The following SHOC2 variants were observed in gnomAD, a reference collection of about 807,000 sequenced individuals.
SHOC2 encodes leucine-rich repeat protein SHOC-2.
A neutral mutation model predicts 50.2 loss-of-function variants in SHOC2; 4 were observed. That is an observed-to-expected ratio of 0.08 (90% CI 0.04 to 0.18). The LOEUF (loss-of-function observed/expected upper bound fraction) is 0.18. Ranked by LOEUF, SHOC2 falls within the 10% of genes least tolerant of loss-of-function variation. The pLI is 1.00. For missense variants in SHOC2, 388 were observed against 669.6 expected, an observed-to-expected ratio of 0.58 and a Z score of 4.64; for synonymous variants, 218 against 244.5, an observed-to-expected ratio of 0.89 and a Z score of 1.01.
At chr10:110,988,419 A>T (rs1184786678) in intron 3 of SHOC2, among the ~76,000 whole-genome samples, 1 of 152,122 alleles carries the variant, frequency 6.6e-6, no homozygotes, top group Non-Finnish European at 1.5e-5. Flanking sequence ...TTCTTCAGCA[A>T]ACTTGGTCAT....
chr10:110,999,338 G>T (rs1281591480), intron 3 of SHOC2, among the ~76,000 whole-genome samples: 2 of 152,108 alleles, frequency 1.3e-5, no homozygotes, highest in African/African-American at 4.8e-5. Flanking sequence ...AACGTATATT[G>T]TTTGCAGAAT....
intron 2 of SHOC2, 25 bp from the exon 3 acceptor site, chr10:110,985,603 A>G: frequency 1.9e-6 from 3 of 1,579,640 alleles, no homozygotes; most frequent in Non-Finnish European, 2.6e-6. Flanking sequence ...ATGCTTATTG[A>G]ATTTTTATGT....
intron 1 of SHOC2, among the ~76,000 whole-genome samples, chr10:110,928,436 T>A (rs1846820567): frequency 6.6e-6 from 1 of 152,192 alleles, no homozygotes; most frequent in Non-Finnish European, 1.5e-5. Context: ...TTTAGGAAAA[T>A]ATGGTTATAA....
intron 3 of SHOC2, chr10:110,988,840 AGCATCCC>A (rs1381723241): frequency 1.3e-5 from 6 of 445,940 alleles, no homozygotes; most frequent in African/African-American, 1.2e-4. Flanking sequence ...CTGCTTCAGC[AGCATCCC>A]ACAAATTCTG....
At chr10:111,000,046 A>G (rs773589884) in intron 3 of SHOC2, among the ~76,000 whole-genome samples, 3 of 152,218 alleles carry the variant, frequency 2.0e-5, no homozygotes, top group Non-Finnish European at 4.4e-5. Flanking sequence ...TCTAAATTGG[A>G]TCATCATAAC....
rs1423883475 is a variant in SHOC2 at position 111,001,434 on chromosome 10, C to T, written c.972+889C>T. 6.6e-5 allele frequency among the ~76,000 whole-genome samples: 10 copies of T among 152,198 alleles called. No individual in the cohort carries two copies. The East Asian group carries it at 1.2e-3, about 18-fold the overall frequency. The stretch of plus-strand genomic sequence containing the variant: ...CCTCCCAAAGTGCTGAAATTACAGG[C>T]GTGAGCCACCACAGCCAGCCAATAT... On this transcript the variant is annotated intron_variant, in intron 4 of 8. Coordinates refer to ENST00000369452, the MANE Select transcript of SHOC2 (RefSeq NM_007373.4).
chr10:110,920,449 A>G (rs1332209565), intron 1 of SHOC2, among the ~76,000 whole-genome samples: 1 of 152,104 alleles, frequency 6.6e-6, no homozygotes, highest in African/African-American at 2.4e-5. Context: ...TTGTTTTTGT[A>G]CCATCCCCCT....
chr10:111,006,563 G>T (rs930356025), intron 5 of SHOC2, among the ~76,000 whole-genome samples: 2 of 152,064 alleles, frequency 1.3e-5, no homozygotes, highest in African/African-American at 2.4e-5. Context: ...GTAGAGACGG[G>T]GTTTCACCGT....
chr10:111,010,687 A>C (rs1848550958), intron 8 of SHOC2, among the ~76,000 whole-genome samples: 1 of 152,172 alleles, frequency 6.6e-6, no homozygotes, highest in East Asian at 1.9e-4. Context: ...ATAATAAAAA[A>C]AAATGGTTTT....
In SHOC2 at chr10:110,936,604, T is replaced by TTTTTTTA. The variant is rs763178456; in HGVS notation, c.-235+16947_-235+16948insTTTTTTA. ...TTTTCTTTTCCTTTTTTTTTTTTTT[T>TTTTTTTA]AACAGTCTTTATTGGGCTCAGACCA... On this transcript the variant is annotated intron_variant, in intron 1 of 8. Coordinates refer to ENST00000369452, the MANE Select transcript of SHOC2 (RefSeq NM_007373.4). 38 of 762,192 alleles carry TTTTTTTA rather than the reference T, an allele frequency of 5.0e-5. No homozygotes were observed. The East Asian group carries it at 9.6e-4, about 19-fold the overall frequency. The allele number at this position is 762,192 out of a possible 1,614,324, so 47.2% of individuals were successfully genotyped here.
At chr10:110,968,024 C>A (rs1477578438) in intron 2 of SHOC2, among the ~76,000 whole-genome samples, 1 of 152,056 alleles carries the variant, frequency 6.6e-6, no homozygotes, top group Non-Finnish European at 1.5e-5. Flanking sequence ...TATGTTTAAC[C>A]TTTTTGAGGG....
intron 3 of SHOC2, among the ~76,000 whole-genome samples, chr10:110,996,155 T>C (rs747038047): frequency 7.2e-5 from 11 of 152,082 alleles, no homozygotes; most frequent in Admixed American, 2.0e-4. Flanking sequence ...GCTTGATGGG[T>C]GGAGGTATAT....
chr10:110,994,593 T>G (rs1324034774), intron 3 of SHOC2, among the ~76,000 whole-genome samples: 8 of 152,214 alleles, frequency 5.3e-5, no homozygotes, highest in Admixed American at 5.2e-4. Flanking sequence ...CTGTGTTTAC[T>G]CAGCATAAAA....
chr10:110,927,696 T>G (rs1176331861), intron 1 of SHOC2, among the ~76,000 whole-genome samples: 1 of 152,248 alleles, frequency 6.6e-6, no homozygotes, highest in East Asian at 1.9e-4. Flanking sequence ...ATATGAGTAT[T>G]TGGGACGAGA....
At chr10:110,990,895 G>GTA (rs1476709778) in intron 3 of SHOC2, among the ~76,000 whole-genome samples, 1 of 152,136 alleles carries the variant, frequency 6.6e-6, no homozygotes, top group Non-Finnish European at 1.5e-5. Flanking sequence ...TAGTCACTAT[G>GTA]TATATCTTAG....
chr10:110,937,778 C>T (rs1312495334), intron 1 of SHOC2, among the ~76,000 whole-genome samples: 6 of 152,124 alleles, frequency 3.9e-5, no homozygotes, highest in Admixed American at 3.9e-4. Flanking sequence ...CACAATTTAA[C>T]ATATGAGTTT....
chr10:110,964,191 C>A lies in SHOC2; in HGVS notation c.-168C>A. 1 of 941,784 alleles carries A rather than the reference C, an allele frequency of 1.1e-6. No individual in the cohort carries two copies. Among genetic ancestry groups the A allele is most frequent in the Non-Finnish European group, 1.6e-6 (1 of 643,206 alleles). The allele number at this position is 941,784 out of a possible 1,614,324, so 58.3% of individuals were successfully genotyped here. Reference sequence around the variant, plus strand: ...GTTGGAATGAATGATCAGAAATGGGCATAGTGCTTTTAGATCCAACATGTA... The same window carrying A: ...GTTGGAATGAATGATCAGAAATGGGAATAGTGCTTTTAGATCCAACATGTA... On this transcript the variant is annotated 5_prime_UTR_variant, in exon 2 of 9. Transcript: ENST00000369452. The surrounding 1 kb of genome is among the most constrained non-coding windows in gnomAD (Gnocchi z 4.9).
At chr10:110,949,601 A>G (rs1847311795) in intron 1 of SHOC2, among the ~76,000 whole-genome samples, 1 of 152,186 alleles carries the variant, frequency 6.6e-6, no homozygotes, top group East Asian at 1.9e-4. Context: ...TGTTGCTGTG[A>G]TACCAAAGCC....
At chr10:110,963,529 C>T (rs141199500) in intron 1 of SHOC2, among the ~76,000 whole-genome samples, 1 of 152,232 alleles carries the variant, frequency 6.6e-6, no homozygotes, top group East Asian at 1.9e-4. Context: ...AGACTGCTCT[C>T]TCTTCTATCG....
Sources: allele counts gnomAD v4.1 joint callset (sites outside exome capture counted in the v4.1 genomes callset), GRCh38; gene constraint gnomAD v4.1.1; non-coding constraint Gnocchi (gnomAD v3.1); transcripts MANE v1.5; gene names NCBI Gene and HGNC (gene_info 2026-07-23, HGNC 2026-07-21).